ZNF385D: variants seen among roughly 807,000 people sequenced by gnomAD.
ZNF385D encodes the protein zinc finger protein 659.
ZNF385D carries 15 observed loss-of-function variants against 35.8 expected under a neutral mutation model. The observed-to-expected ratio is 0.42, with a 90% CI of 0.28 to 0.64. The LOEUF is 0.64. ZNF385D is among the 30% of genes least tolerant of loss of function. The pLI is 0.23. For synonymous variants in ZNF385D, 212 were observed against 186.8 expected (o/e 1.13, Z -1.10); for missense variants, 474 against 494.6 (o/e 0.96, Z 0.39).
intron 3 of ZNF385D, among the ~76,000 whole-genome samples, chr3:21,835,243 G>A (rs1407623047): frequency 3.0e-5 from 2 of 66,446 alleles, no homozygotes; most frequent in Non-Finnish European, 2.9e-5. Flanking sequence ...GCTATGTATA[G>A]TTTGCTTACT....
intron 3 of ZNF385D, among the ~76,000 whole-genome samples, chr3:21,887,584 T>C (rs1216253526): frequency 2.0e-5 from 3 of 152,098 alleles, no homozygotes; most frequent in African/African-American, 4.8e-5. Flanking sequence ...ATATGGAATT[T>C]GCTCTCATGG....
intron 3 of ZNF385D, among the ~76,000 whole-genome samples, chr3:22,163,684 G>T (rs9857623): frequency 0.42 from 63,560 of 151,990 alleles, 15,742 homozygotes; most frequent in African/African-American, 0.7. Flanking sequence ...TTTGCATCCT[G>T]AAAATACTAA....
intron 3 of ZNF385D, among the ~76,000 whole-genome samples, chr3:22,162,477 T>G (rs1022254155): frequency 1.3e-5 from 2 of 152,142 alleles, no homozygotes; most frequent in African/African-American, 4.8e-5. Flanking sequence ...CATTTTGAAG[T>G]TCTAACAGAG....
At chr3:21,778,942 C>G (rs1409988691) in intron 3 of ZNF385D, among the ~76,000 whole-genome samples, 1 of 151,942 alleles carries the variant, frequency 6.6e-6, no homozygotes, top group Admixed American at 6.6e-5. Flanking sequence ...CTAAAGACAA[C>G]AAACCTAGCC....
chr3:21,963,099 C>G (rs769313923), intron 3 of ZNF385D, among the ~76,000 whole-genome samples: 3 of 152,158 alleles, frequency 2.0e-5, no homozygotes, highest in Non-Finnish European at 4.4e-5. Context: ...GCCTTAATGA[C>G]CCTTTCCCAA....
At chr3:21,982,137 G>T (rs1271815408) in intron 3 of ZNF385D, among the ~76,000 whole-genome samples, 1 of 148,318 alleles carries the variant, frequency 6.7e-6, no homozygotes, top group Non-Finnish European at 1.5e-5. Context: ...GATAGGAGTA[G>T]CCCTGAATTT....
chr3:21,446,752 C>T (rs890493119), intron 4 of ZNF385D, among the ~76,000 whole-genome samples: 1 of 151,924 alleles, frequency 6.6e-6, no homozygotes, highest in African/African-American at 2.4e-5. Context: ...CTCAGCCTCC[C>T]AAAGTGCTGG....
chr3:21,547,370 C>T (rs1289757118), intron 3 of ZNF385D, among the ~76,000 whole-genome samples: 1 of 152,076 alleles, frequency 6.6e-6, no homozygotes, highest in Non-Finnish European at 1.5e-5. Context: ...CTTACCCCTC[C>T]CCTTGTTTCA....
intron 3 of ZNF385D, among the ~76,000 whole-genome samples, chr3:21,516,249 T>C (rs948094251): frequency 3.3e-5 from 5 of 152,228 alleles, no homozygotes; most frequent in African/African-American, 1.2e-4. Flanking sequence ...ACTCTTTCTT[T>C]ACTGCAGTAC....
chr3:21,574,768 C>G (rs1010192959), intron 2 of ZNF385D, among the ~76,000 whole-genome samples: 4 of 151,998 alleles, frequency 2.6e-5, no homozygotes, highest in Admixed American at 2.0e-4. Flanking sequence ...TTTCATTATA[C>G]TATTCTATCC....
At chr3:21,433,186 T>A (rs1355882990) in intron 5 of ZNF385D, among the ~76,000 whole-genome samples, 2 of 152,170 alleles carry the variant, frequency 1.3e-5, no homozygotes, top group East Asian at 3.9e-4. Flanking sequence ...CCTATATCAC[T>A]GATAGCATTT....
chr3:22,314,282 TC>T (rs1214082370), intron 2 of ZNF385D, among the ~76,000 whole-genome samples: 1 of 151,970 alleles, frequency 6.6e-6, no homozygotes, highest in Non-Finnish European at 1.5e-5. Flanking sequence ...TCCTACCCTT[TC>T]CCCACTGAGT....
intron 3 of ZNF385D, among the ~76,000 whole-genome samples, chr3:21,997,558 A>G (rs1371348470): frequency 9.6e-6 from 1 of 104,012 alleles, no homozygotes; most frequent in Non-Finnish European, 2.3e-5. Context: ...ATCTCTGCAG[A>G]AAAAAAAAAC....
chr3:21,706,299 C>G, intron 1 of ZNF385D, among the ~76,000 whole-genome samples: 1 of 151,596 alleles, frequency 6.6e-6, no homozygotes, highest in Non-Finnish European at 1.5e-5. Flanking sequence ...GATTGAGATA[C>G]AGTTCACATA....
intron 3 of ZNF385D, among the ~76,000 whole-genome samples, chr3:22,011,043 A>G (rs1290685300): frequency 6.6e-6 from 1 of 152,210 alleles, no homozygotes; most frequent in Non-Finnish European, 1.5e-5. Context: ...AACTCATTAA[A>G]GACATGATAC....
chr3:22,174,731 C>T (rs929501534), intron 2 of ZNF385D, among the ~76,000 whole-genome samples: 14 of 151,906 alleles, frequency 9.2e-5, no homozygotes, highest in African/African-American at 1.5e-4. Context: ...TACTTCATGG[C>T]GATAACACTG....
chr3:21,835,044 G>C (rs953568002), intron 3 of ZNF385D, among the ~76,000 whole-genome samples: 1 of 152,034 alleles, frequency 6.6e-6, no homozygotes, highest in African/African-American at 2.4e-5. Flanking sequence ...GCAAGTGCTA[G>C]GAACAGCTCT....
Position 21,421,116 on chromosome 3 carries a change from A to G in ZNF385D, c.*98T>C. ...TCAAAAGTCCTGGCTCTTCAGATAT[A>G]CTTTAAACTATAAATAAACACTGCA... On this transcript the variant is annotated 3_prime_UTR_variant, in exon 8 of 8. Coordinates refer to ENST00000281523, the MANE Select transcript of ZNF385D (RefSeq NM_024697.3). 1.1e-6 allele frequency: 1 copy of G among 898,160 alleles called. No individual in the cohort carries two copies. The highest frequency in any genetic ancestry group is 1.6e-6 in the Non-Finnish European group (1 of 626,668). The allele number at this position is 898,160 out of a possible 1,614,324, so 55.6% of individuals were successfully genotyped here. A position where few individuals can be genotyped will look rare whatever the true frequency, so the allele number is the denominator to read the frequency against.
chr3:21,698,933 C>G (rs1000551675), intron 1 of ZNF385D, among the ~76,000 whole-genome samples: 3 of 151,956 alleles, frequency 2.0e-5, no homozygotes, highest in African/African-American at 7.3e-5. Flanking sequence ...GACGCTGTGG[C>G]AATTCAAGAA....
Sources: allele counts gnomAD v4.1 joint callset (sites outside exome capture counted in the v4.1 genomes callset), GRCh38; gene constraint gnomAD v4.1.1; transcripts MANE v1.5; gene names NCBI Gene and HGNC (gene_info 2026-07-23, HGNC 2026-07-21).